SRD5A2: variants seen among roughly 807,000 people sequenced by gnomAD.
The protein encoded by SRD5A2 is 3-oxo-5-alpha-steroid 4-dehydrogenase 2.
Under a neutral mutation model 27.4 loss-of-function variants are expected in SRD5A2, and 30 were observed. That is an observed-to-expected ratio of 1.10 (90% CI 0.82 to 1.49). SRD5A2 has a LOEUF of 1.49. Among genes scored for constraint, SRD5A2 ranks in the 40% most tolerant of loss-of-function variants. The probability of loss-of-function intolerance (pLI) is 0.00; values close to 1 mark genes in which losing one functional copy is unlikely to be tolerated. For missense variants in SRD5A2, 348 were observed against 323.4 expected, an observed-to-expected ratio of 1.08 and a Z score of -0.58; for synonymous variants, 141 against 133.6, an observed-to-expected ratio of 1.06 and a Z score of -0.38.
chr2:31,597,769 C>T, the SRD5A2 span, among the ~76,000 whole-genome samples: 1 of 151,980 alleles, frequency 6.6e-6, no homozygotes, highest in African/African-American at 2.4e-5. Flanking sequence ...CTTACTCCAG[C>T]AAGATTGGCC....
chr2:31,604,829 A>G, the SRD5A2 span, among the ~76,000 whole-genome samples: 1 of 151,984 alleles, frequency 6.6e-6, no homozygotes, highest in South Asian at 2.1e-4. Context: ...GGATTCACAG[A>G]AGACCCAGAA....
chr2:31,572,150 T>C (rs1036082582), intron 1 of SRD5A2, among the ~76,000 whole-genome samples: 1 of 152,168 alleles, frequency 6.6e-6, no homozygotes, highest in Admixed American at 6.5e-5. Flanking sequence ...TATGCAGCCA[T>C]GAAAAATAAT....
chr2:31,542,024 A>G (rs1318635835), intron 1 of SRD5A2, among the ~76,000 whole-genome samples: 2 of 152,186 alleles, frequency 1.3e-5, no homozygotes, highest in South Asian at 2.1e-4. Flanking sequence ...AAGGACTGCA[A>G]TTCCTGGGCA....
At chr2:31,628,681 ATTTGC>A in the SRD5A2 span, among the ~76,000 whole-genome samples, 4 of 152,020 alleles carry the variant, frequency 2.6e-5, no homozygotes, top group Non-Finnish European at 4.4e-5. Flanking sequence ...TTCCCTTTGT[ATTTGC>A]TTATCTGAAA....
the SRD5A2 span, among the ~76,000 whole-genome samples, chr2:31,646,959 C>T: frequency 1.3e-5 from 2 of 152,104 alleles, no homozygotes; most frequent in East Asian, 3.9e-4. Context: ...CTAGCCTGGC[C>T]AATGTGACAA....
the SRD5A2 span, among the ~76,000 whole-genome samples, chr2:31,639,187 G>A: frequency 6.6e-6 from 1 of 151,898 alleles, no homozygotes; most frequent in Non-Finnish European, 1.5e-5. Flanking sequence ...AGAAACACAG[G>A]CAAAGACAAA....
the SRD5A2 span, among the ~76,000 whole-genome samples, chr2:31,596,569 T>A: frequency 6.6e-6 from 1 of 151,964 alleles, no homozygotes; most frequent in Non-Finnish European, 1.5e-5. Context: ...TTGCTGATGA[T>A]ATAATCACAT....
rs1179482281 is a variant in SRD5A2 at position 31,523,014 on chromosome 2, T to A, written c.*3182A>T. The A allele has an allele frequency of 4.5e-6, 1 of 220,048 alleles. No individual in the cohort carries two copies. The highest frequency in any genetic ancestry group is 2.2e-5 in the African/African-American group (1 of 44,578). 13.6% of individuals were successfully genotyped at this position (220,048 alleles called of 1,614,324 possible). A position where few individuals can be genotyped will look rare whatever the true frequency, so the allele number is the denominator to read the frequency against. On this transcript the variant is annotated 3_prime_UTR_variant, in exon 5 of 5. Coordinates refer to ENST00000622030, the MANE Select transcript of SRD5A2 (RefSeq NM_000348.4). ...TTATTTATTTGTTCCTGAAAGGGTC[T>A]AAGCCGCCTAAATAGCTGTTTAATT...
the SRD5A2 span, among the ~76,000 whole-genome samples, chr2:31,607,775 A>G: frequency 1.3e-5 from 2 of 152,020 alleles, no homozygotes; most frequent in Non-Finnish European, 2.9e-5. Context: ...TGTAATCCAT[A>G]TGTTAGGAAC....
chr2:31,650,342 G>C, the SRD5A2 span, among the ~76,000 whole-genome samples: 1 of 152,058 alleles, frequency 6.6e-6, no homozygotes, highest in African/African-American at 2.4e-5. Flanking sequence ...TCCAGGATGG[G>C]GGAAGTAAAC....
At position 31,523,175 on chromosome 2, in the gene SRD5A2, T is replaced by C. The variant is rs1435662080; in HGVS notation, c.*3021A>G. On this transcript the variant is annotated 3_prime_UTR_variant, in exon 5 of 5. Coordinates refer to ENST00000622030, the MANE Select transcript of SRD5A2 (RefSeq NM_000348.4). ...TTCCATGCTGAACACACATGTTGTC[T>C]TGACTACACCAATGAGGGAAAACTC... 4.6e-6 allele frequency: 1 copy of C among 216,254 alleles called. No individual in the cohort carries two copies. The highest frequency in any genetic ancestry group is 2.3e-5 in the African/African-American group (1 of 44,402). 13.4% of individuals were successfully genotyped at this position (216,254 alleles called of 1,614,324 possible). A position where few individuals can be genotyped will look rare whatever the true frequency, so the allele number is the denominator to read the frequency against.
intron 1 of SRD5A2, among the ~76,000 whole-genome samples, chr2:31,539,049 C>T (rs1463163049): frequency 6.6e-6 from 1 of 152,162 alleles, no homozygotes; most frequent in African/African-American, 2.4e-5. Context: ...TGCATCATAA[C>T]TTTTACTTCC....
the SRD5A2 span, among the ~76,000 whole-genome samples, chr2:31,661,435 A>G: frequency 2.0e-5 from 3 of 152,276 alleles, no homozygotes; most frequent in Non-Finnish European, 1.5e-5. Flanking sequence ...TCTTACACTG[A>G]GCAGTAAACA....
intron 1 of SRD5A2, chr2:31,563,228 T>G (rs1470940533): frequency 6.6e-6 from 1 of 152,026 alleles, no homozygotes; most frequent in Non-Finnish European, 1.5e-5. Flanking sequence ...GAAAAAAACA[T>G]GACATTGAGT....
chr2:31,634,460 C>T, the SRD5A2 span, among the ~76,000 whole-genome samples: 1 of 151,986 alleles, frequency 6.6e-6, no homozygotes, highest in South Asian at 2.1e-4. Context: ...AGACAGTGGT[C>T]AAGAATTTTG....
the SRD5A2 span, among the ~76,000 whole-genome samples, chr2:31,586,429 G>C: frequency 6.6e-6 from 1 of 152,174 alleles, no homozygotes; most frequent in Non-Finnish European, 1.5e-5. Context: ...GCCAGGGAGT[G>C]GTTACAGCAG....
chr2:31,587,139 A>G, the SRD5A2 span, among the ~76,000 whole-genome samples: 1 of 152,228 alleles, frequency 6.6e-6, no homozygotes, highest in South Asian at 2.1e-4. Context: ...AACATATGAA[A>G]AAAAGCTCAT....
chr2:31,584,098 T>A (rs528498205), upstream of SRD5A2, among the ~76,000 whole-genome samples: 9 of 151,890 alleles, frequency 5.9e-5, no homozygotes, highest in South Asian at 1.9e-3. Context: ...GGGTGTAGAG[T>A]CCTGATAAAG....
chr2:31,629,139 T>C, the SRD5A2 span, among the ~76,000 whole-genome samples: 394 of 152,280 alleles, frequency 2.6e-3, 2 homozygotes, highest in Non-Finnish European at 4.6e-3. Context: ...GCACTAACCA[T>C]CTACCCATGG....
Sources: allele counts gnomAD v4.1 joint callset (sites outside exome capture counted in the v4.1 genomes callset), GRCh38; gene constraint gnomAD v4.1.1; transcripts MANE v1.5; gene names NCBI Gene and HGNC (gene_info 2026-07-23, HGNC 2026-07-21).